TFEC: variants seen among roughly 807,000 people sequenced by gnomAD.
The protein encoded by TFEC is transcription factor EC, also known as class E basic helix-loop-helix protein 34.
Under a neutral mutation model 41.6 loss-of-function variants are expected in TFEC, and 31 were observed. That is an observed-to-expected ratio of 0.74 (90% CI 0.56 to 1.01). The LOEUF is 1.01. TFEC is among the 50% of genes least tolerant of loss of function. TFEC has a pLI of 0.00. For missense variants in TFEC, 402 were observed against 404.1 expected, an observed-to-expected ratio of 0.99 and a Z score of 0.04; for synonymous variants, 143 against 140.6, an observed-to-expected ratio of 1.02 and a Z score of -0.12.
At chr7:116,069,738 G>T (rs1796780500) in intron 3 of TFEC, among the ~76,000 whole-genome samples, 1 of 151,728 alleles carries the variant, frequency 6.6e-6, no homozygotes, top group Admixed American at 6.6e-5. Flanking sequence ...AGTTGATGGG[G>T]TTCATGGTTT....
chr7:116,069,963 T>C (rs1189806774), intron 3 of TFEC, among the ~76,000 whole-genome samples: 4 of 151,504 alleles, frequency 2.6e-5, no homozygotes, highest in Non-Finnish European at 1.5e-5. Context: ...TATGAACATA[T>C]AAATATATAA....
upstream of TFEC, among the ~76,000 whole-genome samples, chr7:116,033,591 C>A (rs1241697203): frequency 6.6e-6 from 1 of 151,998 alleles, no homozygotes; most frequent in Non-Finnish European, 1.5e-5. Context: ...CCCAAATACT[C>A]CCATTTGTTA....
chr7:116,006,359 G>A (rs1210756821), intron 1 of TFEC, among the ~76,000 whole-genome samples: 2 of 152,178 alleles, frequency 1.3e-5, no homozygotes, highest in African/African-American at 2.4e-5. Flanking sequence ...AGCTGCCCAA[G>A]ACCATGAGAA....
At chr7:115,941,716 A>G (rs1275360769) in intron 7 of TFEC, 177 bp downstream of exon 7, 7 of 696,694 alleles carry the variant, frequency 1.0e-5, no homozygotes, top group Non-Finnish European at 1.6e-5. Flanking sequence ...CTGGATTTCT[A>G]GTCAAATCCT....
intron 1 of TFEC, among the ~76,000 whole-genome samples, chr7:116,147,127 ATCTG>A (rs1330472207): frequency 1.3e-5 from 2 of 152,208 alleles, no homozygotes; most frequent in Non-Finnish European, 1.5e-5. Flanking sequence ...TCCAACATAT[ATCTG>A]TCTAATTAGA....
chr7:116,043,603 G>A (rs1796090969), intron 3 of TFEC, among the ~76,000 whole-genome samples: 1 of 152,100 alleles, frequency 6.6e-6, no homozygotes, highest in Admixed American at 6.5e-5. Context: ...ATCAAAATAT[G>A]TTAACTATAA....
At chr7:116,154,793 G>A (rs1798833074) in intron 1 of TFEC, among the ~76,000 whole-genome samples, 1 of 152,146 alleles carries the variant, frequency 6.6e-6, no homozygotes, top group Non-Finnish European at 1.5e-5. Context: ...TGGCCAATAA[G>A]AGGCATTGGT....
chr7:116,031,947 A>AAC (rs1267326571), upstream of TFEC, among the ~76,000 whole-genome samples: 3 of 152,140 alleles, frequency 2.0e-5, no homozygotes, highest in Non-Finnish European at 2.9e-5. Context: ...TGATATTAGA[A>AAC]ACATTGTGAG....
chr7:115,967,055 A>G (rs1010513596), intron 3 of TFEC, among the ~76,000 whole-genome samples: 2 of 151,762 alleles, frequency 1.3e-5, no homozygotes, highest in African/African-American at 4.8e-5. Flanking sequence ...ATATATGTAA[A>G]GCTAAGAATC....
intron 3 of TFEC, among the ~76,000 whole-genome samples, chr7:116,062,401 G>A (rs1223960758): frequency 1.3e-5 from 2 of 149,940 alleles, no homozygotes; most frequent in Non-Finnish European, 3.0e-5. Flanking sequence ...TCATTCTTAT[G>A]CCTTTGCATA....
At chr7:116,058,052 G>A (rs140235690) in intron 3 of TFEC, among the ~76,000 whole-genome samples, 5 of 151,808 alleles carry the variant, frequency 3.3e-5, no homozygotes, top group Middle Eastern at 3.4e-3. Flanking sequence ...CACATTAAAC[G>A]TAAATTATCT....
rs148545864 is a variant in TFEC at position 116,038,745 on chromosome 7, C to T, written c.199-54232G>A. Among the ~76,000 whole-genome samples the T allele has an allele frequency of 3.4e-4, 52 of 152,094 alleles. 1 individual carries two copies. In the East Asian group the frequency reaches 9.5e-3, roughly 28 times the overall value. ...GAAATTACAAGTCTTCTAGAGCCTG[C>T]CAAAGTTGTACCATTCCTCTCTATC... is the stretch of plus-strand genomic sequence containing the variant. On this transcript the variant is annotated intron_variant, in intron 3 of 8. Transcript: ENST00000484212.
intron 1 of TFEC, among the ~76,000 whole-genome samples, chr7:116,007,144 C>CT (rs574226193): frequency 1.3e-5 from 2 of 151,886 alleles, no homozygotes; most frequent in Non-Finnish European, 2.9e-5. Context: ...GTTTTTCTAT[C>CT]TTTTTTTTAG....
At chr7:116,120,869 G>A (rs1018540308) in intron 1 of TFEC, among the ~76,000 whole-genome samples, 1 of 151,828 alleles carries the variant, frequency 6.6e-6, no homozygotes, top group African/African-American at 2.4e-5. Context: ...AGCTATAAGA[G>A]CTAATAAATT....
At chr7:115,990,639 G>A (rs1009626984) in intron 1 of TFEC, among the ~76,000 whole-genome samples, 3 of 152,094 alleles carry the variant, frequency 2.0e-5, no homozygotes, top group Non-Finnish European at 4.4e-5. Context: ...ATCAGTGATT[G>A]AAGATCAAAG....
At chr7:116,050,028 G>T (rs1416778300) in intron 3 of TFEC, among the ~76,000 whole-genome samples, 2 of 152,112 alleles carry the variant, frequency 1.3e-5, no homozygotes, top group South Asian at 2.1e-4. Flanking sequence ...GAGAAAGCAG[G>T]AAAGATCTAA....
rs1261323338 is a variant in TFEC, at chr7:116,098,475, A to G, written c.198+12233T>C. ...AAAAAGACTTAAGCAGAAACAAAGA[A>G]GGCTATTACATAATAGTGAAAGGGT... On this transcript the variant is annotated intron_variant, in intron 3 of 8. Coordinates refer to the TFEC transcript ENST00000484212. Among the ~76,000 whole-genome samples the G allele has an allele frequency of 2.0e-5, 3 of 152,226 alleles. No individual in the cohort carries two copies. In the East Asian group the frequency reaches 5.8e-4, roughly 29 times the overall value.
At chr7:116,134,362 G>A (rs1798395003) in intron 1 of TFEC, among the ~76,000 whole-genome samples, 1 of 151,696 alleles carries the variant, frequency 6.6e-6, no homozygotes, top group South Asian at 2.1e-4. Flanking sequence ...AAAGAGGGAA[G>A]GAAAAATGTA....
intron 3 of TFEC, among the ~76,000 whole-genome samples, chr7:115,957,000 A>T (rs1373859200): frequency 2.6e-5 from 4 of 152,000 alleles, no homozygotes; most frequent in Non-Finnish European, 4.4e-5. Flanking sequence ...GATGCGCTGA[A>T]AAAAAGTTAT....
Sources: allele counts gnomAD v4.1 joint callset (sites outside exome capture counted in the v4.1 genomes callset), GRCh38; gene constraint gnomAD v4.1.1; transcripts MANE v1.5; gene names NCBI Gene and HGNC (gene_info 2026-07-23, HGNC 2026-07-21).